HERC4: variants seen among roughly 807,000 people sequenced by gnomAD.
The protein encoded by HERC4 is HECT and RLD domain containing E3 ubiquitin protein ligase 4, also known as probable E3 ubiquitin-protein ligase HERC4.
HERC4 carries 28 observed loss-of-function variants against 124.3 expected under a neutral mutation model. The ratio of observed to expected loss-of-function variants is 0.23; its 90% CI spans 0.17 to 0.31. The LOEUF is 0.31. Ranked by LOEUF, HERC4 falls within the 10% of genes least tolerant of loss-of-function variation. The probability of loss-of-function intolerance (pLI) is 1.00; values close to 1 mark genes in which losing one functional copy is unlikely to be tolerated. For synonymous variants in HERC4, 407 were observed against 421.5 expected (o/e 0.97, Z 0.42); for missense variants, 713 against 1,229.3 (o/e 0.58, Z 6.28).
intron 4 of HERC4, among the ~76,000 whole-genome samples, chr10:68,038,677 T>C (rs1380184521): frequency 6.6e-6 from 1 of 152,208 alleles, no homozygotes; most frequent in African/African-American, 2.4e-5. Context: ...ACCTATTCCT[T>C]ACAAGCTATC....
chr10:67,932,508 G>A, intron 23 of HERC4, 89 bp downstream of exon 23: 1 of 1,109,888 alleles, frequency 9.0e-7, no homozygotes, highest in Admixed American at 2.3e-5. Flanking sequence ...GTAATAAAGT[G>A]TATAAAATAA....
At chr10:68,058,743 G>A (rs190606628) in intron 3 of HERC4, among the ~76,000 whole-genome samples, 141 of 151,416 alleles carry the variant, frequency 9.3e-4, no homozygotes, top group African/African-American at 3.3e-3. Context: ...TAATTTTAGA[G>A]AAGAGAACAC....
intron 15 of HERC4, among the ~76,000 whole-genome samples, chr10:67,970,486 G>A (rs1426975713): frequency 6.6e-6 from 1 of 152,126 alleles, no homozygotes; most frequent in Non-Finnish European, 1.5e-5. Context: ...CAGCAACTTG[G>A]GAGGCTAAAG....
intron 8 of HERC4, among the ~76,000 whole-genome samples, chr10:68,021,733 A>C (rs1442612348): frequency 6.6e-6 from 1 of 152,120 alleles, no homozygotes. Context: ...GCCTGAACCC[A>C]GGAGGCAGAG....
chr10:68,037,465 A>G (rs2039537723), intron 5 of HERC4, among the ~76,000 whole-genome samples: 1 of 152,196 alleles, frequency 6.6e-6, no homozygotes, highest in African/African-American at 2.4e-5. Flanking sequence ...TCCAATCCTT[A>G]GCTAGGATAC....
chr10:67,972,939 T>C (rs1262646785), intron 15 of HERC4, among the ~76,000 whole-genome samples: 6 of 152,220 alleles, frequency 3.9e-5, no homozygotes, highest in Non-Finnish European at 8.8e-5. Context: ...GAAATAATGC[T>C]ACTGCTGTTA....
intron 15 of HERC4, among the ~76,000 whole-genome samples, chr10:67,983,555 G>A (rs1035152012): frequency 2.0e-5 from 3 of 151,904 alleles, no homozygotes; most frequent in South Asian, 2.1e-4. Flanking sequence ...TGAGGTGGGC[G>A]GATCACAAGG....
chr10:67,976,111 TG>T (rs1368369230), intron 15 of HERC4, among the ~76,000 whole-genome samples: 6 of 152,176 alleles, frequency 3.9e-5, no homozygotes, highest in African/African-American at 7.2e-5. Flanking sequence ...AGTTGAGAGT[TG>T]ACTAGTTGCA....
intron 4 of HERC4, among the ~76,000 whole-genome samples, chr10:68,043,535 G>T (rs2039872196): frequency 6.6e-6 from 1 of 152,092 alleles, no homozygotes; most frequent in Non-Finnish European, 1.5e-5. Flanking sequence ...ACAATGATTA[G>T]CCAGGCACAG....
chr10:68,005,917 C>T (rs1368580918), intron 9 of HERC4, among the ~76,000 whole-genome samples: 1 of 152,076 alleles, frequency 6.6e-6, no homozygotes, highest in Non-Finnish European at 1.5e-5. Context: ...CTAGGCTGAT[C>T]TCAAACTCCT....
intron 3 of HERC4, among the ~76,000 whole-genome samples, chr10:68,055,138 T>C (rs1415398949): frequency 6.6e-6 from 1 of 152,230 alleles, no homozygotes; most frequent in African/African-American, 2.4e-5. Context: ...CCCAGGCTGA[T>C]GGTAACTGAT....
At chr10:68,004,961 G>A (rs1171182032) in intron 9 of HERC4, among the ~76,000 whole-genome samples, 1 of 152,166 alleles carries the variant, frequency 6.6e-6, no homozygotes, top group Non-Finnish European at 1.5e-5. Flanking sequence ...CATATGAGGG[G>A]TCTAGTTTCA....
At chr10:68,069,039 T>C (rs1400966862) in intron 3 of HERC4, 1 of 984,846 alleles carries the variant, frequency 1.0e-6, no homozygotes, top group Non-Finnish European at 1.2e-6. Context: ...TTACAAATTA[T>C]GGTCACAGAA....
intron 15 of HERC4, among the ~76,000 whole-genome samples, chr10:67,967,728 T>TA (rs2034974468): frequency 6.6e-6 from 1 of 152,078 alleles, no homozygotes; most frequent in South Asian, 2.1e-4. Flanking sequence ...ATCTATGAAG[T>TA]AAAAATAGTT....
At chr10:68,049,609 A>AAAAC (rs2040192837) in intron 3 of HERC4, among the ~76,000 whole-genome samples, 2 of 151,162 alleles carry the variant, frequency 1.3e-5, no homozygotes, top group African/African-American at 4.9e-5. Flanking sequence ...AAAAAAAAAA[A>AAAAC]AAAACACTTT....
intron 22 of HERC4, among the ~76,000 whole-genome samples, chr10:67,935,781 T>C (rs1200776770): frequency 6.6e-6 from 1 of 152,214 alleles, no homozygotes; most frequent in African/African-American, 2.4e-5. Flanking sequence ...GTTCTAGCAT[T>C]TCCCCAAACA....
At chr10:68,048,619 G>A (rs572301523) in intron 3 of HERC4, among the ~76,000 whole-genome samples, 9 of 152,180 alleles carry the variant, frequency 5.9e-5, no homozygotes, top group Non-Finnish European at 8.8e-5. Context: ...TCCATTTAAT[G>A]TGTAACACTA....
intron 15 of HERC4, among the ~76,000 whole-genome samples, chr10:67,987,811 T>C (rs1168925716): frequency 2.0e-5 from 3 of 152,082 alleles, no homozygotes; most frequent in Non-Finnish European, 4.4e-5. Flanking sequence ...GGTTTGTTCT[T>C]AGACAAAGAA....
intron 3 of HERC4, among the ~76,000 whole-genome samples, chr10:68,054,219 C>G (rs2040443121): frequency 6.6e-6 from 1 of 152,142 alleles, no homozygotes; most frequent in African/African-American, 2.4e-5. Flanking sequence ...GAGCTCCATT[C>G]TTACACATGT....
Sources: allele counts gnomAD v4.1 joint callset (sites outside exome capture counted in the v4.1 genomes callset), GRCh38; gene constraint gnomAD v4.1.1; transcripts MANE v1.5; gene names NCBI Gene and HGNC (gene_info 2026-07-23, HGNC 2026-07-21).